The following PCDH9 variants were observed in gnomAD, a reference collection of about 807,000 sequenced individuals.
PCDH9 encodes protocadherin-9.
A neutral mutation model predicts 70.6 loss-of-function variants in PCDH9; 24 were observed. The observed-to-expected ratio is 0.34, with a 90% CI of 0.25 to 0.48. PCDH9 has a LOEUF of 0.48. PCDH9 is among the 20% of genes least tolerant of loss of function. The probability of loss-of-function intolerance (pLI) is 0.99; values close to 1 mark genes in which losing one functional copy is unlikely to be tolerated. For synonymous variants in PCDH9, 562 were observed against 558.5 expected, an observed-to-expected ratio of 1.01 and a Z score of -0.09; for missense variants, 1,281 against 1,503.6, an observed-to-expected ratio of 0.85 and a Z score of 2.45.
At chr13:66,791,844 T>C (rs575020082) in intron 3 of PCDH9, among the ~76,000 whole-genome samples, 1 of 152,284 alleles carries the variant, frequency 6.6e-6, no homozygotes, top group East Asian at 1.9e-4. Flanking sequence ...TTTTCTACAA[T>C]ATAAATAATA....
intron 4 of PCDH9, among the ~76,000 whole-genome samples, chr13:66,465,671 T>C (rs887837016): frequency 2.6e-5 from 4 of 151,922 alleles, no homozygotes; most frequent in Admixed American, 2.6e-4. Flanking sequence ...TTTATGTCAT[T>C]ATGCCTCAGT....
chr13:67,133,602 T>C (rs376964797), intron 2 of PCDH9, among the ~76,000 whole-genome samples: 1 of 152,198 alleles, frequency 6.6e-6, no homozygotes, highest in African/African-American at 2.4e-5. Context: ...CTATAGAACC[T>C]AGAACCCTGG....
intron 2 of PCDH9, among the ~76,000 whole-genome samples, chr13:67,127,840 CT>C (rs1434065524): frequency 6.6e-6 from 1 of 151,726 alleles, no homozygotes; most frequent in African/African-American, 2.4e-5. Flanking sequence ...GATGGGAGCA[CT>C]TTTTTGTCCA....
chr13:66,386,185 A>G (rs1329807280), intron 4 of PCDH9, among the ~76,000 whole-genome samples: 2 of 152,168 alleles, frequency 1.3e-5, no homozygotes, highest in South Asian at 2.1e-4. Context: ...CTATGCCATT[A>G]TGCAATTTGT....
chr13:66,640,424 A>G (rs902422212), intron 3 of PCDH9, among the ~76,000 whole-genome samples: 1 of 152,106 alleles, frequency 6.6e-6, no homozygotes, highest in African/African-American at 2.4e-5. Flanking sequence ...CACGTTTTTA[A>G]AGTAAGTTGC....
intron 2 of PCDH9, among the ~76,000 whole-genome samples, chr13:67,041,907 TAAGC>T (rs2085124535): frequency 6.6e-6 from 1 of 152,132 alleles, no homozygotes; most frequent in South Asian, 2.1e-4. Context: ...CTTTGCCAGT[TAAGC>T]AAGACCATGT....
At chr13:66,743,345 G>A (rs1199158525) in intron 3 of PCDH9, among the ~76,000 whole-genome samples, 1 of 122,822 alleles carries the variant, frequency 8.1e-6, no homozygotes, top group Non-Finnish European at 1.7e-5. Flanking sequence ...GGACTGTGGT[G>A]GGGTGGGGGG....
intron 4 of PCDH9, among the ~76,000 whole-genome samples, chr13:66,479,222 C>T (rs1958791765): frequency 6.6e-6 from 1 of 152,318 alleles, no homozygotes; most frequent in Admixed American, 6.5e-5. Context: ...AAAACATATC[C>T]TTTCCAAATA....
At chr13:66,636,312 T>C (rs1022873139) in intron 3 of PCDH9, among the ~76,000 whole-genome samples, 2 of 152,116 alleles carry the variant, frequency 1.3e-5, no homozygotes, top group Non-Finnish European at 1.5e-5. Context: ...ATTTGATATA[T>C]GGTATATGGG....
At chr13:66,587,347 C>A (rs1019232385) in intron 4 of PCDH9, among the ~76,000 whole-genome samples, 1 of 150,320 alleles carries the variant, frequency 6.7e-6, no homozygotes, top group Non-Finnish European at 1.5e-5. Context: ...TAAATCAAGT[C>A]TTTGGTTGAC....
intron 4 of PCDH9, among the ~76,000 whole-genome samples, chr13:66,461,204 A>T (rs1362894324): frequency 6.6e-6 from 1 of 151,822 alleles, no homozygotes; most frequent in African/African-American, 2.4e-5. Context: ...ATACTTCTTT[A>T]GTTATTCATT....
At chr13:66,847,325 A>G (rs2081229065) in intron 3 of PCDH9, among the ~76,000 whole-genome samples, 1 of 152,186 alleles carries the variant, frequency 6.6e-6, no homozygotes, top group Admixed American at 6.5e-5. Flanking sequence ...TATAAAATAC[A>G]TTTCTATTTG....
chr13:67,143,058 TA>T (rs747445421), intron 2 of PCDH9, among the ~76,000 whole-genome samples: 1 of 151,640 alleles, frequency 6.6e-6, no homozygotes, highest in Non-Finnish European at 1.5e-5. Flanking sequence ...AACAAAAACT[TA>T]AAAATAAGCT....
At chr13:66,892,826 C>T (rs1420877453) in intron 3 of PCDH9, among the ~76,000 whole-genome samples, 3 of 152,008 alleles carry the variant, frequency 2.0e-5, no homozygotes, top group African/African-American at 7.2e-5. Context: ...AATACCTTTA[C>T]GTCTTTCATA....
At chr13:67,142,931 C>T (rs193194999) in intron 2 of PCDH9, among the ~76,000 whole-genome samples, 182 of 151,942 alleles carry the variant, frequency 1.2e-3, no homozygotes, top group African/African-American at 4.2e-3. Flanking sequence ...ATCGCTTGAA[C>T]CCCGGAGGCG....
intron 3 of PCDH9, among the ~76,000 whole-genome samples, chr13:66,798,617 T>C (rs2080281165): frequency 1.3e-5 from 2 of 152,174 alleles, no homozygotes. Context: ...CCTGGGCAAC[T>C]GACCTCAGGG....
intron 3 of PCDH9, among the ~76,000 whole-genome samples, chr13:66,648,313 G>T (rs1453708502): frequency 1.3e-5 from 2 of 152,204 alleles, no homozygotes; most frequent in African/African-American, 4.8e-5. Flanking sequence ...GGTGGCCACA[G>T]GAGTGCTTGA....
intron 2 of PCDH9, among the ~76,000 whole-genome samples, chr13:66,951,802 A>G (rs1413039514): frequency 1.3e-5 from 2 of 152,204 alleles, no homozygotes; most frequent in African/African-American, 4.8e-5. Flanking sequence ...TTTCTTGATA[A>G]CAACCTAATT....
At chr13:66,416,880 A>G (rs1397932034) in intron 4 of PCDH9, among the ~76,000 whole-genome samples, 2 of 152,228 alleles carry the variant, frequency 1.3e-5, no homozygotes, top group East Asian at 3.8e-4. Flanking sequence ...AACGTCTTGA[A>G]TGATATAAGA....
Sources: gnomAD v4.1 joint callset for allele counts (sites outside exome capture counted in the v4.1 genomes callset) on GRCh38, gnomAD v4.1.1 for gene constraint, MANE v1.5 for transcripts, NCBI Gene and HGNC (gene_info 2026-07-23, HGNC 2026-07-21) for gene names.